ST3GAL2: variants seen among roughly 807,000 people sequenced by gnomAD.
ST3GAL2 encodes the protein CMP-N-acetylneuraminate-beta-galactosamide-alpha-2,3-sialyltransferase 2.
In ST3GAL2, 16 loss-of-function variants were observed where a neutral mutation model predicts 37.5. That is an observed-to-expected ratio of 0.43 (90% CI 0.29 to 0.65). The LOEUF is 0.65. Ranked by LOEUF, ST3GAL2 falls within the 30% of genes least tolerant of loss-of-function variation. The probability of loss-of-function intolerance (pLI) is 0.17; values close to 1 mark genes in which losing one functional copy is unlikely to be tolerated. For synonymous variants in ST3GAL2, 238 were observed against 202.9 expected (o/e 1.17, Z -1.47); for missense variants, 383 against 487.8 (o/e 0.79, Z 2.02).
chr16:70,418,672 C>T (rs1172484224), intron 1 of ST3GAL2, among the ~76,000 whole-genome samples: 1 of 152,180 alleles, frequency 6.6e-6, no homozygotes, highest in African/African-American at 2.4e-5. Flanking sequence ...GTCCACTCCT[C>T]CCCAAGCCCT....
chr16:70,382,302 A>G (rs2047411863), intron 6 of ST3GAL2, among the ~76,000 whole-genome samples: 1 of 151,898 alleles, frequency 6.6e-6, no homozygotes, highest in Non-Finnish European at 1.5e-5. Context: ...TTCTTTTTCA[A>G]GACAGCGTCT....
At chr16:70,423,989 C>T (rs976630852) in intron 1 of ST3GAL2, among the ~76,000 whole-genome samples, 3 of 151,776 alleles carry the variant, frequency 2.0e-5, no homozygotes, top group African/African-American at 7.3e-5. Context: ...ACTCGGGAGG[C>T]AGAGCTGGCA....
rs2047539812 is a variant in ST3GAL2 at position 70,399,357 on chromosome 16, G to C, written c.-827C>G. On this transcript the variant is annotated 5_prime_UTR_variant, in exon 2 of 7. Coordinates refer to ENST00000342907, the MANE Select transcript of ST3GAL2 (RefSeq NM_006927.4). ...GGGCACTGTGTCCAATACCATCTGGGTCAGGCGAGCTTGTGCTGAGCTCCC... is the reference window on the plus strand; with the variant it reads ...GGGCACTGTGTCCAATACCATCTGGCTCAGGCGAGCTTGTGCTGAGCTCCC... 2.5e-6 allele frequency: 1 copy of C among 398,598 alleles called. No homozygotes were observed. Among genetic ancestry groups the C allele is most frequent in the Non-Finnish European group, 4.4e-6 (1 of 226,190 alleles). The allele number at this position is 398,598 out of a possible 1,614,324, so 24.7% of individuals were successfully genotyped here.
At chr16:70,393,552 T>C (rs900891098) in intron 3 of ST3GAL2, among the ~76,000 whole-genome samples, 1 of 152,228 alleles carries the variant, frequency 6.6e-6, no homozygotes, top group African/African-American at 2.4e-5. Context: ...AGCATTGTCC[T>C]GGGCTTCCCG....
At chr16:70,383,637 GGGAAAGGAGAAA>G (rs200315505) in intron 4 of ST3GAL2, among the ~76,000 whole-genome samples, 112 of 148,484 alleles carry the variant, frequency 7.5e-4, no homozygotes, top group South Asian at 1.7e-3. Flanking sequence ...AGGAAAAGAA[GGGAAAGGAGAAA>G]GGAAAGGAGA....
At chr16:70,410,681 C>T (rs2047631681) in intron 1 of ST3GAL2, among the ~76,000 whole-genome samples, 1 of 151,534 alleles carries the variant, frequency 6.6e-6, no homozygotes. Flanking sequence ...TAATGCCATT[C>T]TCTTAACAAG....
At chr16:70,399,735 C>A in intron 1 of ST3GAL2, 1 of 316,510 alleles carries the variant, frequency 3.2e-6, no homozygotes, top group Non-Finnish European at 5.7e-6. Flanking sequence ...ACTAGATTAG[C>A]CCAGAGTCTT....
intron 1 of ST3GAL2, among the ~76,000 whole-genome samples, chr16:70,405,284 G>A (rs1226127744): frequency 6.6e-6 from 1 of 152,202 alleles, no homozygotes; most frequent in Non-Finnish European, 1.5e-5. Flanking sequence ...GCTCACGCCT[G>A]TAATCCCAGC....
At chr16:70,420,537 C>A (rs757292657) in intron 1 of ST3GAL2, among the ~76,000 whole-genome samples, 6 of 152,144 alleles carry the variant, frequency 3.9e-5, no homozygotes, top group Non-Finnish European at 7.4e-5. Flanking sequence ...CAAGCCAGCA[C>A]TAGGAGGCCA....
chr16:70,383,783 C>T (rs1038802296), intron 4 of ST3GAL2, among the ~76,000 whole-genome samples: 5 of 151,760 alleles, frequency 3.3e-5, no homozygotes, highest in African/African-American at 4.8e-5. Context: ...ACTGCTCTCC[C>T]GTGGCTTGTT....
At position 70,380,854 on chromosome 16, in the gene ST3GAL2, A is replaced by T. The variant is rs2047396063; in HGVS notation, c.*835T>A. The T allele has an allele frequency of 6.5e-6, 1 of 153,404 alleles. No homozygotes were observed. The highest frequency in any genetic ancestry group is 2.4e-5 in the African/African-American group (1 of 41,494). The allele number at this position is 153,404 out of a possible 1,614,324, so 9.5% of individuals were successfully genotyped here. On this transcript the variant is annotated 3_prime_UTR_variant, in exon 7 of 7. Coordinates refer to ENST00000342907, the MANE Select transcript of ST3GAL2 (RefSeq NM_006927.4). ...AGCCGGCCGAAGACTGGGGGTAGGG[A>T]CGGAGTCGGGGGACGGGATTTTTTT...
rs376626726 is a variant in ST3GAL2, at chr16:70,427,583, C to T, written c.-1004+11366G>A. 4.2e-3 allele frequency among the ~76,000 whole-genome samples: 639 copies of T among 151,904 alleles called. 4 individuals carry two copies. Among genetic ancestry groups the T allele is most frequent in the African/African-American group, 0.015 (606 of 41,408 alleles). On this transcript the variant is annotated intron_variant, in intron 1 of 6. Transcript: ENST00000342907. The stretch of plus-strand genomic sequence containing the variant: ...CGATCTCCTGACCTCGTGATCCGCC[C>T]GCCTCAGCCTCCCAAAGTGCTGGGA...
chr16:70,382,177 C>A (rs936675144), intron 6 of ST3GAL2, among the ~76,000 whole-genome samples: 1 of 151,800 alleles, frequency 6.6e-6, no homozygotes. Context: ...GTTCTCTGAA[C>A]GACTGAGTTC....
intron 4 of ST3GAL2, among the ~76,000 whole-genome samples, chr16:70,384,313 G>A (rs2047426658): frequency 6.6e-6 from 1 of 152,176 alleles, no homozygotes; most frequent in East Asian, 1.9e-4. Flanking sequence ...TCTGACACAT[G>A]CTACAACACG....
chr16:70,421,469 G>A (rs2047714019), intron 1 of ST3GAL2, among the ~76,000 whole-genome samples: 1 of 152,200 alleles, frequency 6.6e-6, no homozygotes, highest in African/African-American at 2.4e-5. Flanking sequence ...TCCCTGCCAA[G>A]ACAACATCCA....
chr16:70,431,691 C>CAGTG lies in ST3GAL2; in HGVS notation c.-1004+7254_-1004+7257dup, dbSNP rs201746696. On this transcript the variant is annotated intron_variant, in intron 1 of 6. Coordinates refer to ENST00000342907, the MANE Select transcript of ST3GAL2 (RefSeq NM_006927.4). ...AAAAAAAAAAAAAATTGGCCAGGTG[C>CAGTG]AGTGGCTCACCTCTGTAATCCCAGC... Among the ~76,000 whole-genome samples, 77 of 150,766 alleles carry CAGTG rather than the reference C, an allele frequency of 5.1e-4. No individual in the cohort carries two copies. The East Asian group carries it at 0.014, about 28-fold the overall frequency.
intron 1 of ST3GAL2, among the ~76,000 whole-genome samples, chr16:70,421,375 C>T (rs750451650): frequency 1.3e-5 from 2 of 152,230 alleles, no homozygotes; most frequent in South Asian, 2.1e-4. Flanking sequence ...GGTTGGGGGA[C>T]GCCAAGGGCC....
At chr16:70,429,638 CTTTTTTTT>C (rs1027728995) in intron 1 of ST3GAL2, among the ~76,000 whole-genome samples, 93 of 90,000 alleles carry the variant, frequency 1.0e-3, no homozygotes, top group African/African-American at 4.3e-3. Context: ...GCTTTAAATT[CTTTTTTTT>C]TTTTTTTTTT....
chr16:70,408,051 T>G (rs1023953214), intron 1 of ST3GAL2, among the ~76,000 whole-genome samples: 10 of 151,958 alleles, frequency 6.6e-5, no homozygotes, highest in African/African-American at 2.4e-4. Flanking sequence ...CAAAGCTCAT[T>G]CTAAAGGCAT....
Sources: gnomAD v4.1 joint callset for allele counts (sites outside exome capture counted in the v4.1 genomes callset) on GRCh38, gnomAD v4.1.1 for gene constraint, MANE v1.5 for transcripts, NCBI Gene and HGNC (gene_info 2026-07-23, HGNC 2026-07-21) for gene names.